Variants in FHIT observed in about 807,000 individuals in gnomAD.
FHIT encodes the protein fragile histidine triad diadenosine triphosphatase, also known as bis(5'-adenosyl)-triphosphatase.
In FHIT, 19 loss-of-function variants were observed where a neutral mutation model predicts 17.9. The ratio of observed to expected loss-of-function variants is 1.06; its 90% CI spans 0.74 to 1.56. FHIT has a LOEUF of 1.56. Ranked by LOEUF, FHIT falls within the 40% of genes most tolerant of loss-of-function variation. The probability of loss-of-function intolerance (pLI) is 0.00; values close to 1 mark genes in which losing one functional copy is unlikely to be tolerated. For synonymous variants in FHIT, 81 were observed against 69.7 expected, an observed-to-expected ratio of 1.16 and a Z score of -0.81; for missense variants, 248 against 189.2, an observed-to-expected ratio of 1.31 and a Z score of -1.82.
chr3:60,502,436 T>A (rs184720086), intron 5 of FHIT, among the ~76,000 whole-genome samples: 1 of 152,168 alleles, frequency 6.6e-6, no homozygotes, highest in South Asian at 2.1e-4. Context: ...ATAAAAATCA[T>A]TGGCTGGTCT....
intron 8 of FHIT, among the ~76,000 whole-genome samples, chr3:59,786,763 A>G (rs1699321526): frequency 6.6e-6 from 1 of 152,190 alleles, no homozygotes. Flanking sequence ...TCAACACACA[A>G]TTTTTACTAA....
intron 8 of FHIT, among the ~76,000 whole-genome samples, chr3:59,875,957 G>A (rs1523116): frequency 3.5e-4 from 51 of 145,350 alleles, no homozygotes; most frequent in Middle Eastern, 7.0e-3. Context: ...AAAAAAAAAA[G>A]AAAAAAAAAA....
chr3:60,891,872 T>C (rs1199150066), intron 3 of FHIT, among the ~76,000 whole-genome samples: 5 of 152,166 alleles, frequency 3.3e-5, no homozygotes, highest in Admixed American at 6.5e-5. Context: ...TAAAGTTAAG[T>C]GAGCAAACAA....
chr3:60,581,882 A>C (rs2037758882), intron 4 of FHIT, among the ~76,000 whole-genome samples: 1 of 152,028 alleles, frequency 6.6e-6, no homozygotes, highest in Non-Finnish European at 1.5e-5. Flanking sequence ...CAAGCAAATG[A>C]AATAAGATTG....
At chr3:59,751,950 C>T (rs68003332) in intron 9 of FHIT, 1 of 371,414 alleles carries the variant, frequency 2.7e-6, no homozygotes. Context: ...TGGAGGAGCA[C>T]CACCGCAGGA....
intron 3 of FHIT, among the ~76,000 whole-genome samples, chr3:60,888,514 AT>A (rs1217998264): frequency 6.6e-6 from 1 of 151,812 alleles, no homozygotes; most frequent in African/African-American, 2.4e-5. Context: ...AAAAAAAAAA[AT>A]ATAGGTTTAT....
At position 60,886,433 on chromosome 3, in the gene FHIT, G is replaced by A. The variant is rs1293725257; in HGVS notation, c.-110-64422C>T. 1.5e-4 allele frequency among the ~76,000 whole-genome samples: 23 copies of A among 152,350 alleles called. 1 individual carries two copies. In the East Asian group the frequency reaches 2.1e-3, roughly 14 times the overall value. On this transcript the variant is annotated intron_variant, in intron 3 of 9. Transcript: ENST00000492590. ...TATGTCATTATCATCAGAAGGCTAA[G>A]AGATCAAGAGTGGTAAAAGCAACCT...
At chr3:60,999,011 G>C (rs1479085756) in intron 3 of FHIT, among the ~76,000 whole-genome samples, 1 of 152,064 alleles carries the variant, frequency 6.6e-6, no homozygotes, top group Non-Finnish European at 1.5e-5. Flanking sequence ...ACCAGCTCTT[G>C]GCAGGACATG....
chr3:61,092,242 G>A (rs1389586991), intron 2 of FHIT, among the ~76,000 whole-genome samples: 6 of 151,980 alleles, frequency 3.9e-5, no homozygotes, highest in Non-Finnish European at 7.4e-5. Flanking sequence ...TTCCCCAAGG[G>A]AAAAATCTAC....
intron 4 of FHIT, among the ~76,000 whole-genome samples, chr3:60,630,409 T>A (rs944014913): frequency 6.6e-6 from 1 of 152,152 alleles, no homozygotes; most frequent in Non-Finnish European, 1.5e-5. Context: ...AAAGGATACA[T>A]GTTTGTCCTC....
At chr3:60,305,710 T>C (rs1168712023) in intron 5 of FHIT, among the ~76,000 whole-genome samples, 1 of 152,156 alleles carries the variant, frequency 6.6e-6, no homozygotes, top group Non-Finnish European at 1.5e-5. Context: ...TAACAGTAAG[T>C]AATGGTGCTT....
At chr3:60,011,422 C>G (rs753148209) in intron 6 of FHIT, 22 bp from the exon 7 acceptor site, 9 of 1,608,812 alleles carry the variant, frequency 5.6e-6, no homozygotes, top group Middle Eastern at 1.7e-4. Context: ...AAAAAACCAA[C>G]AGAGGTGAGA....
At chr3:60,500,771 TAAA>T (rs71092606) in intron 5 of FHIT, among the ~76,000 whole-genome samples, 8,555 of 64,496 alleles carry the variant, frequency 0.13, 402 homozygotes, top group Non-Finnish European at 0.15. Flanking sequence ...AGCATCCATC[TAAA>T]AAAAAAAAAA....
At chr3:60,715,067 G>C (rs1344180558) in intron 4 of FHIT, among the ~76,000 whole-genome samples, 31 of 152,174 alleles carry the variant, frequency 2.0e-4, no homozygotes, top group Non-Finnish European at 3.4e-4. Flanking sequence ...AAACAGCATG[G>C]TACTGGTACC....
At chr3:59,798,250 T>A (rs116175177) in intron 8 of FHIT, among the ~76,000 whole-genome samples, 162 of 152,278 alleles carry the variant, frequency 1.1e-3, no homozygotes, top group Non-Finnish European at 2.0e-3. Context: ...CCCAGCAATG[T>A]TTTATCACCT....
intron 4 of FHIT, among the ~76,000 whole-genome samples, chr3:60,818,172 C>A (rs980752478): frequency 6.6e-6 from 1 of 152,066 alleles, no homozygotes. Flanking sequence ...ATTTGTGGAG[C>A]ATGGTTAAAA....
chr3:60,634,322 CTG>C (rs2039524298), intron 4 of FHIT, among the ~76,000 whole-genome samples: 1 of 152,106 alleles, frequency 6.6e-6, no homozygotes, highest in Non-Finnish European at 1.5e-5. Flanking sequence ...AGCTAACAAA[CTG>C]AACTAGGAGA....
chr3:59,768,767 C>T (rs975178156), intron 8 of FHIT, among the ~76,000 whole-genome samples: 1 of 152,220 alleles, frequency 6.6e-6, no homozygotes, highest in African/African-American at 2.4e-5. Context: ...TTGTACCCAT[C>T]CTCAGTCCTC....
chr3:60,396,907 A>G (rs939892504), intron 5 of FHIT, among the ~76,000 whole-genome samples: 2 of 152,182 alleles, frequency 1.3e-5, no homozygotes, highest in Non-Finnish European at 2.9e-5. Context: ...GAATCACTAT[A>G]AAAAGGAAAC....
Sources: gnomAD v4.1 joint callset for allele counts (sites outside exome capture counted in the v4.1 genomes callset) on GRCh38, gnomAD v4.1.1 for gene constraint, MANE v1.5 for transcripts, NCBI Gene and HGNC (gene_info 2026-07-23, HGNC 2026-07-21) for gene names.